Variants in SPATA17 observed in about 807,000 individuals in gnomAD.
The protein encoded by SPATA17 is spermatogenesis-associated protein 17.
Under a neutral mutation model 62.2 loss-of-function variants are expected in SPATA17, and 53 were observed. The ratio of observed to expected loss-of-function variants is 0.85; its 90% CI spans 0.68 to 1.07. SPATA17 has a LOEUF of 1.07. SPATA17 is among the 50% of genes least tolerant of loss of function. SPATA17 has a pLI of 0.00. For synonymous variants in SPATA17, 146 were observed against 146.8 expected (o/e 0.99, Z 0.04); for missense variants, 466 against 425.5 (o/e 1.10, Z -0.84).
chr1:217,650,185 C>A (rs1017243721), intron 2 of SPATA17, among the ~76,000 whole-genome samples: 2 of 152,018 alleles, frequency 1.3e-5, no homozygotes, highest in African/African-American at 4.8e-5. Context: ...GTGATCCGCC[C>A]GCCTTGGCTT....
intron 9 of SPATA17, among the ~76,000 whole-genome samples, chr1:217,838,697 C>T (rs1675317935): frequency 6.6e-6 from 1 of 151,986 alleles, no homozygotes; most frequent in South Asian, 2.1e-4. Context: ...TTCCTCCCAT[C>T]CCTTTTGATT....
At chr1:217,681,167 C>G (rs1163253106) in intron 4 of SPATA17, among the ~76,000 whole-genome samples, 4 of 150,428 alleles carry the variant, frequency 2.7e-5, no homozygotes, top group Admixed American at 2.0e-4. Flanking sequence ...TTGGAGGTTA[C>G]AGTGAACCGA....
At chr1:217,690,206 A>G (rs1292321253) in intron 5 of SPATA17, among the ~76,000 whole-genome samples, 1 of 152,064 alleles carries the variant, frequency 6.6e-6, no homozygotes, top group Non-Finnish European at 1.5e-5. Context: ...CCCAGCCTTT[A>G]CTTTAGTTTT....
At chr1:217,658,880 C>A (rs1670502779) in intron 3 of SPATA17, among the ~76,000 whole-genome samples, 1 of 152,098 alleles carries the variant, frequency 6.6e-6, no homozygotes, top group Admixed American at 6.6e-5. Context: ...GGAAGCTAGA[C>A]AAATGCAACT....
chr1:217,782,705 A>G lies in SPATA17; in HGVS notation c.872+383A>G, dbSNP rs185541166. On this transcript the variant is annotated intron_variant, in intron 8 of 10. Coordinates refer to ENST00000366933, the MANE Select transcript of SPATA17 (RefSeq NM_138796.4). ...CGTGGACTAAATATCATTTTGATCT[A>G]TTGACATAACATTGTAGTTTTAATA... Among the ~76,000 whole-genome samples, 370 of 152,310 alleles carry G rather than the reference A, an allele frequency of 2.4e-3. 2 individuals carry two copies. Among genetic ancestry groups the G allele is most frequent in the Middle Eastern group, 0.017 (5 of 294 alleles).
chr1:217,827,534 A>G (rs942521998), intron 9 of SPATA17, among the ~76,000 whole-genome samples: 1 of 152,156 alleles, frequency 6.6e-6, no homozygotes, highest in African/African-American at 2.4e-5. Context: ...ATTGCTGGGC[A>G]TATACCCAAA....
intron 2 of SPATA17, 34 bp downstream of exon 2, chr1:217,649,005 A>G: frequency 7.2e-7 from 1 of 1,394,562 alleles, no homozygotes; most frequent in Non-Finnish European, 9.9e-7. Flanking sequence ...CCTCAGATAT[A>G]TCATAAAAAT....
At chr1:217,839,392 C>T (rs532303144) in intron 9 of SPATA17, among the ~76,000 whole-genome samples, 5 of 152,128 alleles carry the variant, frequency 3.3e-5, no homozygotes, top group South Asian at 4.1e-4. Flanking sequence ...CACAGCTTGT[C>T]GTGAAACTGT....
intron 5 of SPATA17, among the ~76,000 whole-genome samples, chr1:217,738,465 A>C (rs1294510565): frequency 1.3e-5 from 2 of 152,252 alleles, no homozygotes; most frequent in Non-Finnish European, 2.9e-5. Flanking sequence ...ACACTTACAT[A>C]GCGCCTTACT....
At chr1:217,834,575 A>T (rs1675219192) in intron 9 of SPATA17, among the ~76,000 whole-genome samples, 1 of 152,270 alleles carries the variant, frequency 6.6e-6, no homozygotes. Context: ...AAACAGGAAA[A>T]AGCTTATAGA....
intron 9 of SPATA17, among the ~76,000 whole-genome samples, chr1:217,843,883 A>G (rs551698531): frequency 1.4e-4 from 21 of 152,150 alleles, no homozygotes; most frequent in Non-Finnish European, 2.4e-4. Flanking sequence ...AACTACATTT[A>G]TCAGCCACTT....
At chr1:217,805,945 T>G (rs1674422775) in intron 9 of SPATA17, among the ~76,000 whole-genome samples, 1 of 152,178 alleles carries the variant, frequency 6.6e-6, no homozygotes, top group Non-Finnish European at 1.5e-5. Context: ...AAACAAGAAC[T>G]ACCAAGAAAT....
intron 9 of SPATA17, among the ~76,000 whole-genome samples, chr1:217,817,814 C>T (rs558718729): frequency 5.1e-4 from 78 of 152,156 alleles, no homozygotes; most frequent in Non-Finnish European, 9.9e-4. Flanking sequence ...AGGTTAATGA[C>T]TAGGACCACA....
intron 5 of SPATA17, among the ~76,000 whole-genome samples, chr1:217,706,521 T>G (rs1048986231): frequency 6.6e-6 from 1 of 152,154 alleles, no homozygotes; most frequent in Non-Finnish European, 1.5e-5. Flanking sequence ...TAAATGGTAG[T>G]TTTTTCTGTG....
chr1:217,792,330 A>G (rs1385625233), intron 8 of SPATA17, among the ~76,000 whole-genome samples: 13 of 152,176 alleles, frequency 8.5e-5, no homozygotes, highest in Admixed American at 8.5e-4. Context: ...TGTTTAAAAG[A>G]TATATTGAGG....
At chr1:217,675,592 A>G (rs1405647537) in intron 4 of SPATA17, among the ~76,000 whole-genome samples, 1 of 152,168 alleles carries the variant, frequency 6.6e-6, no homozygotes, top group African/African-American at 2.4e-5. Flanking sequence ...ATGTATTGCC[A>G]AATCTTGGTA....
At chr1:217,704,045 TTTG>T (rs1220311490) in intron 5 of SPATA17, among the ~76,000 whole-genome samples, 3 of 151,616 alleles carry the variant, frequency 2.0e-5, no homozygotes, top group East Asian at 1.9e-4. Context: ...TTAAACATTT[TTTG>T]TTGTTGTTGT....
At chr1:217,714,640 C>T (rs182546287) in intron 5 of SPATA17, among the ~76,000 whole-genome samples, 11 of 151,810 alleles carry the variant, frequency 7.2e-5, no homozygotes, top group African/African-American at 2.4e-4. Context: ...CCCGCCAGCA[C>T]GCCCGGCTAA....
At chr1:217,715,655 C>T (rs150213532) in intron 5 of SPATA17, among the ~76,000 whole-genome samples, 18 of 148,988 alleles carry the variant, frequency 1.2e-4, no homozygotes, top group Non-Finnish European at 1.9e-4. Context: ...CATTCATACA[C>T]TTAGCTTGTC....
Sources: allele counts gnomAD v4.1 joint callset (sites outside exome capture counted in the v4.1 genomes callset), GRCh38; gene constraint gnomAD v4.1.1; transcripts MANE v1.5; gene names NCBI Gene and HGNC (gene_info 2026-07-23, HGNC 2026-07-21).